The following EBF2 variants were observed in gnomAD, a reference collection of about 807,000 sequenced individuals.
EBF2 encodes transcription factor COE2.
A neutral mutation model predicts 72.8 loss-of-function variants in EBF2; 21 were observed. The observed-to-expected ratio is 0.29, with a 90% CI of 0.20 to 0.42. The LOEUF (loss-of-function observed/expected upper bound fraction) is 0.42. Among genes scored for constraint, EBF2 ranks in the 10% least tolerant of loss-of-function variants. EBF2 has a pLI of 1.00. For synonymous variants in EBF2, 299 were observed against 274.2 expected (o/e 1.09, Z -0.89); for missense variants, 637 against 731.2 (o/e 0.87, Z 1.49).
At chr8:25,969,712 G>A (rs1422649008) in intron 6 of EBF2, among the ~76,000 whole-genome samples, 1 of 152,200 alleles carries the variant, frequency 6.6e-6, no homozygotes. Context: ...CAGGTTTGGG[G>A]ACAGATGGAT....
chr8:25,982,307 A>G (rs535526138), intron 6 of EBF2, among the ~76,000 whole-genome samples: 1 of 152,330 alleles, frequency 6.6e-6, no homozygotes, highest in South Asian at 2.1e-4. Context: ...CCCACACTGA[A>G]CTGCTGATTC....
chr8:26,008,099 A>G (rs1303955154), intron 6 of EBF2, among the ~76,000 whole-genome samples: 1 of 151,956 alleles, frequency 6.6e-6, no homozygotes, highest in Admixed American at 6.6e-5. Context: ...GAGATCTTCC[A>G]GGTCAATAAT....
chr8:25,994,932 G>A (rs1303007993), intron 6 of EBF2, among the ~76,000 whole-genome samples: 1 of 151,922 alleles, frequency 6.6e-6, no homozygotes, highest in African/African-American at 2.4e-5. Flanking sequence ...TAAAATAAAA[G>A]TTAGAAGGAA....
chr8:25,978,122 C>T (rs1474372819), intron 6 of EBF2, among the ~76,000 whole-genome samples: 1 of 152,124 alleles, frequency 6.6e-6, no homozygotes, highest in African/African-American at 2.4e-5. Flanking sequence ...ACTGGAAGCC[C>T]CAGAAACTAT....
Position 26,044,974 on chromosome 8 carries a change from CAAG to C in EBF2, c.-118_-116del. On this transcript the variant is annotated 5_prime_UTR_variant, in exon 1 of 16. Coordinates refer to ENST00000520164, the MANE Select transcript of EBF2 (RefSeq NM_022659.4). This position sits in a 1 kb window ranked among gnomAD's most constrained non-coding sequence, Gnocchi z 4.1. ...TCCAAAGCAATCCAAGAAAAGGGAT[CAAG>C]TGCCCAAGTTTGAGTCTTAGAAAAA... is the stretch of plus-strand genomic sequence containing the variant. 1 of 1,122,532 alleles carries C rather than the reference CAAG, an allele frequency of 8.9e-7. No homozygotes were observed. Among genetic ancestry groups the C allele is most frequent in the Non-Finnish European group, 1.2e-6 (1 of 801,828 alleles). 69.5% of individuals were successfully genotyped at this position (1,122,532 alleles called of 1,614,324 possible).
intron 13 of EBF2, 100 bp from the exon 14 acceptor site, chr8:25,858,604 C>T (rs1189141206): frequency 9.2e-7 from 1 of 1,086,098 alleles, no homozygotes; most frequent in Non-Finnish European, 1.3e-6. Flanking sequence ...TGCAGAATGT[C>T]ACCAGCTGCC....
At chr8:25,860,549 A>G (rs1355300950) in intron 13 of EBF2, among the ~76,000 whole-genome samples, 2 of 148,812 alleles carry the variant, frequency 1.3e-5, no homozygotes, top group African/African-American at 2.5e-5. Context: ...GCACTGTCAC[A>G]CTGCACAGGC....
At chr8:25,965,462 C>T (rs1170560253) in intron 6 of EBF2, among the ~76,000 whole-genome samples, 2 of 152,186 alleles carry the variant, frequency 1.3e-5, no homozygotes, top group African/African-American at 4.8e-5. Context: ...ATGCTAACGA[C>T]TTTGGAGATT....
At chr8:26,015,956 G>A (rs953832938) in intron 6 of EBF2, among the ~76,000 whole-genome samples, 4 of 152,118 alleles carry the variant, frequency 2.6e-5, no homozygotes, top group Admixed American at 1.3e-4. Context: ...CTCCAAAAAA[G>A]AAAAATGCTC....
chr8:25,900,199 T>C (rs959556183), intron 7 of EBF2, among the ~76,000 whole-genome samples: 2 of 152,158 alleles, frequency 1.3e-5, no homozygotes, highest in African/African-American at 4.8e-5. Context: ...CTCACACCTG[T>C]AATCCCAACA....
At chr8:25,961,468 AT>A (rs2117179168) in intron 6 of EBF2, among the ~76,000 whole-genome samples, 1 of 152,172 alleles carries the variant, frequency 6.6e-6, no homozygotes, top group South Asian at 2.1e-4. Context: ...AGTTCAAGCA[AT>A]TACCTGCCTC....
At chr8:25,956,709 G>C (rs559585130) in intron 6 of EBF2, among the ~76,000 whole-genome samples, 3 of 152,304 alleles carry the variant, frequency 2.0e-5, no homozygotes, top group Admixed American at 6.5e-5. Context: ...AAAGTAGATG[G>C]ACAGGGACAG....
At chr8:25,887,648 A>C (rs1802713683) in intron 9 of EBF2, among the ~76,000 whole-genome samples, 194 bp downstream of exon 9, 1 of 152,160 alleles carries the variant, frequency 6.6e-6, no homozygotes, top group Non-Finnish European at 1.5e-5. Context: ...ACATTCCATC[A>C]CTTTACAATT....
chr8:25,934,780 T>G (rs4871961), intron 6 of EBF2, among the ~76,000 whole-genome samples: 152,314 of 152,314 alleles, frequency 1, 76,157 homozygotes, highest in Non-Finnish European at 1. Flanking sequence ...GGCAATGACG[T>G]ATGCATCCCG....
rs115223426 is a variant in EBF2 at position 25,935,919 on chromosome 8, G to A, written c.552-27364C>T. ...TGCGTGGCTTTCCAAAGTTGCGACC[G>A]GTGGGAGAAAGGAAATTAAAATAAA... On this transcript the variant is annotated intron_variant, in intron 6 of 15. Transcript: ENST00000520164. Among the ~76,000 whole-genome samples the A allele has an allele frequency of 3.2e-3, 480 of 152,284 alleles. 3 individuals are homozygous for A. Among genetic ancestry groups the A allele is most frequent in the African/African-American group, 0.011 (447 of 41,554 alleles).
chr8:25,855,297 C>T (rs1412911807), intron 14 of EBF2, among the ~76,000 whole-genome samples: 2 of 152,094 alleles, frequency 1.3e-5, no homozygotes, highest in Non-Finnish European at 2.9e-5. Context: ...TCATTATAAT[C>T]CCCTATTGTC....
chr8:25,945,091 C>CA (rs201730707), intron 6 of EBF2, among the ~76,000 whole-genome samples: 5,815 of 116,680 alleles, frequency 0.05, 148 homozygotes, highest in Non-Finnish European at 0.06. Flanking sequence ...TTCTGTTGCC[C>CA]CCCCCGCCCC....
At chr8:26,039,882 A>G in intron 5 of EBF2, 146 bp downstream of exon 5, 2 of 755,866 alleles carry the variant, frequency 2.6e-6, no homozygotes, top group Non-Finnish European at 4.6e-6. Context: ...GTTTCCGTGG[A>G]TCTACACTCT....
intron 15 of EBF2, among the ~76,000 whole-genome samples, chr8:25,846,283 G>A (rs1267424221): frequency 6.6e-6 from 1 of 151,848 alleles, no homozygotes; most frequent in Non-Finnish European, 1.5e-5. Context: ...CAGACACATA[G>A]TGTGTAATAT....
Sources: gnomAD v4.1 joint callset for allele counts (sites outside exome capture counted in the v4.1 genomes callset) on GRCh38, gnomAD v4.1.1 for gene constraint, Gnocchi (gnomAD v3.1) non-coding constraint, MANE v1.5 for transcripts, NCBI Gene and HGNC (gene_info 2026-07-23, HGNC 2026-07-21) for gene names.